The following KLHL29 variants were observed in gnomAD, a reference collection of about 807,000 sequenced individuals.
KLHL29 encodes kelch-like protein 29.
A neutral mutation model predicts 80.4 loss-of-function variants in KLHL29; 21 were observed. That is an observed-to-expected ratio of 0.26 (90% CI 0.19 to 0.38). The LOEUF is 0.38. Among genes scored for constraint, KLHL29 ranks in the 10% least tolerant of loss-of-function variants. The pLI is 1.00. For synonymous variants in KLHL29, 511 were observed against 526.8 expected, an observed-to-expected ratio of 0.97 and a Z score of 0.41; for missense variants, 867 against 1,223.9, an observed-to-expected ratio of 0.71 and a Z score of 4.35.
intron 2 of KLHL29, among the ~76,000 whole-genome samples, chr2:23,502,972 C>G (rs1221110540): frequency 4.6e-5 from 7 of 151,826 alleles, no homozygotes; most frequent in African/African-American, 1.7e-4. Context: ...TGAAATATTT[C>G]TTTTTTCTTT....
intron 3 of KLHL29, among the ~76,000 whole-genome samples, chr2:23,626,737 G>A (rs745461173): frequency 3.9e-5 from 6 of 152,180 alleles, no homozygotes; most frequent in African/African-American, 1.2e-4. Flanking sequence ...CGTGGATGAC[G>A]CCCCTGCAGG....
chr2:23,474,161 T>G (rs1434580342), intron 1 of KLHL29, among the ~76,000 whole-genome samples: 2 of 152,234 alleles, frequency 1.3e-5, no homozygotes, highest in Admixed American at 1.3e-4. Context: ...CTCTAGAATA[T>G]GAGCTCCCTG....
chr2:23,499,978 C>T (rs542063079), intron 2 of KLHL29, among the ~76,000 whole-genome samples: 1 of 152,240 alleles, frequency 6.6e-6, no homozygotes, highest in Admixed American at 6.5e-5. Context: ...TTGGTTTTAG[C>T]GTTGTGAGGA....
At chr2:23,701,280 G>A (rs1031783041) in intron 11 of KLHL29, among the ~76,000 whole-genome samples, 2 of 151,976 alleles carry the variant, frequency 1.3e-5, no homozygotes, top group African/African-American at 2.4e-5. Context: ...AGCCACTGTC[G>A]CATCTCACCA....
chr2:23,636,680 G>A (rs11688819), intron 3 of KLHL29, among the ~76,000 whole-genome samples: 27,833 of 152,182 alleles, frequency 0.18, 2,876 homozygotes, highest in African/African-American at 0.26. Context: ...AGCAGTGCCC[G>A]ACACAGACAT....
chr2:23,651,140 C>T (rs1670077122), intron 5 of KLHL29, among the ~76,000 whole-genome samples: 1 of 152,190 alleles, frequency 6.6e-6, no homozygotes, highest in Non-Finnish European at 1.5e-5. Context: ...GAAAGGTCGC[C>T]ATCCATTGAA....
intron 3 of KLHL29, among the ~76,000 whole-genome samples, chr2:23,584,165 G>A (rs1193250363): frequency 6.6e-6 from 1 of 152,214 alleles, no homozygotes; most frequent in Non-Finnish European, 1.5e-5. Flanking sequence ...GCTCCAGCCG[G>A]CCTCCCAGGT....
chr2:23,599,923 C>A (rs1668526805), intron 3 of KLHL29, among the ~76,000 whole-genome samples: 1 of 152,222 alleles, frequency 6.6e-6, no homozygotes. Flanking sequence ...CCAGGGTCCT[C>A]CTTAGGATGT....
At chr2:23,389,766 C>G (rs1666272791) in intron 1 of KLHL29, among the ~76,000 whole-genome samples, 2 of 152,208 alleles carry the variant, frequency 1.3e-5, no homozygotes, top group Non-Finnish European at 1.5e-5. Context: ...TAGCATCTTT[C>G]ACTGTGCTAG....
At chr2:23,553,581 CAG>C (rs1333029638) in intron 2 of KLHL29, among the ~76,000 whole-genome samples, 2 of 152,224 alleles carry the variant, frequency 1.3e-5, no homozygotes, top group Non-Finnish European at 2.9e-5. Context: ...ATGTCACTCT[CAG>C]AGGCTGTGTG....
intron 5 of KLHL29, among the ~76,000 whole-genome samples, chr2:23,673,666 AG>A (rs971770264): frequency 4.7e-5 from 7 of 150,452 alleles, no homozygotes; most frequent in Non-Finnish European, 1.0e-4. Context: ...ACACATACAC[AG>A]GGGTGCATAC....
At chr2:23,403,816 C>T (rs554587914) in intron 1 of KLHL29, among the ~76,000 whole-genome samples, 1 of 151,280 alleles carries the variant, frequency 6.6e-6, no homozygotes, top group South Asian at 2.1e-4. Flanking sequence ...TTTGCCATGC[C>T]TCTCCCAGAA....
chr2:23,703,951 A>C, intron 13 of KLHL29, 88 bp downstream of exon 13: 1 of 1,393,564 alleles, frequency 7.2e-7, no homozygotes, highest in Non-Finnish European at 9.6e-7. Flanking sequence ...GCCATCAGTG[A>C]CCATAGCAAT....
intron 3 of KLHL29, among the ~76,000 whole-genome samples, chr2:23,626,618 G>C (rs904427222): frequency 1.3e-5 from 2 of 152,168 alleles, no homozygotes; most frequent in African/African-American, 2.4e-5. Flanking sequence ...AGAAACTATT[G>C]ATATCTGTGT....
At chr2:23,463,071 G>GT (rs79285199) in intron 1 of KLHL29, among the ~76,000 whole-genome samples, 28,741 of 147,532 alleles carry the variant, frequency 0.19, 3,417 homozygotes, top group Middle Eastern at 0.3. Flanking sequence ...TGCCTCCCAT[G>GT]TTTTTTTTTC....
intron 3 of KLHL29, among the ~76,000 whole-genome samples, chr2:23,636,201 G>A (rs760155062): frequency 5.3e-5 from 8 of 152,196 alleles, no homozygotes; most frequent in African/African-American, 9.6e-5. Context: ...GGCTCTGCAC[G>A]TCACCCACCC....
intron 1 of KLHL29, among the ~76,000 whole-genome samples, chr2:23,460,226 G>T (rs1664172882): frequency 6.6e-6 from 1 of 152,090 alleles, no homozygotes; most frequent in Non-Finnish European, 1.5e-5. Flanking sequence ...TATTGAGCAT[G>T]TATTATTTGC....
At chr2:23,597,411 T>A (rs61614972) in intron 3 of KLHL29, among the ~76,000 whole-genome samples, 18 of 20,862 alleles carry the variant, frequency 8.6e-4, no homozygotes, top group East Asian at 2.7e-3. Flanking sequence ...ATATATATTT[T>A]TTTTTTTTTT....
In KLHL29 at chr2:23,565,351, G is replaced by A. The variant is rs572056516; in HGVS notation, c.285+2870G>A. On this transcript the variant is annotated intron_variant, in intron 3 of 13. Coordinates refer to ENST00000486442, the MANE Select transcript of KLHL29 (RefSeq NM_052920.2). ...AGTGCTGGGATTACAGACGTGAATCGCCGTGCCCAGCCTGAAAGGTGTTCC... is the reference window on the plus strand; with the variant it reads ...AGTGCTGGGATTACAGACGTGAATCACCGTGCCCAGCCTGAAAGGTGTTCC... 1.3e-3 allele frequency among the ~76,000 whole-genome samples: 195 copies of A among 152,178 alleles called. 1 individual carries two copies. The highest frequency in any genetic ancestry group is 4.6e-3 in the African/African-American group (189 of 41,530).
Sources: gnomAD v4.1 joint callset for allele counts (sites outside exome capture counted in the v4.1 genomes callset) on GRCh38, gnomAD v4.1.1 for gene constraint, MANE v1.5 for transcripts, NCBI Gene and HGNC (gene_info 2026-07-23, HGNC 2026-07-21) for gene names.